The following ITGB1BP2 variants were observed in gnomAD, a reference collection of about 807,000 sequenced individuals.
The protein encoded by ITGB1BP2 is integrin subunit beta 1 binding protein 2, also known as integrin beta-1-binding protein 2.
Under a neutral mutation model 32.2 loss-of-function variants are expected in ITGB1BP2, and 27 were observed. The observed-to-expected ratio is 0.84, with a 90% CI of 0.62 to 1.16. The LOEUF is 1.16. ITGB1BP2 is among the 50% of genes most tolerant of loss of function. The pLI, the probability that ITGB1BP2 is intolerant of heterozygous loss-of-function variation, is 0.00. For synonymous variants in ITGB1BP2, 105 were observed against 94.7 expected, an observed-to-expected ratio of 1.11 and a Z score of -0.63; for missense variants, 250 against 267.3, an observed-to-expected ratio of 0.94 and a Z score of 0.45.
chrX:71,302,402 C>T lies in ITGB1BP2; in HGVS notation c.172-9C>T. 8.3e-7 allele frequency: 1 copy of T among 1,211,100 alleles called. No individual in the cohort carries two copies. Among genetic ancestry groups the T allele is most frequent in the Non-Finnish European group, 1.1e-6 (1 of 895,115 alleles). On this transcript the variant is annotated splice_polypyrimidine_tract_variant and intron_variant, in intron 3 of 10. Coordinates refer to ENST00000373829, the MANE Select transcript of ITGB1BP2 (RefSeq NM_012278.4). ...TCTATCCCTAATCCTATCTCCTTAT[C>T]TATACTAGGGCTGTACTATGGGACC...
Position 71,304,547 on chromosome X carries a change from T to C in ITGB1BP2, c.759T>C (p.His253=), listed in dbSNP as rs1393864233. The change falls in exon 10 of 11, where the codon CAT becomes CAC. Residue 253 remains histidine (H), a synonymous_variant. Transcript: ENST00000373829. ...CTGTAATTCTTTTCTCTCAGCTTCA[T>C]GTCCACATTGTCTTTGATGGTAACC... ...NWVKASQTEL[H]VHIVFDGNRV... The C allele has an allele frequency of 8.3e-7, 1 of 1,208,102 alleles. No homozygotes were observed. The highest frequency in any genetic ancestry group is 2.2e-5 in the Admixed American group (1 of 45,782).
At position 71,302,456 on chromosome X, in the gene ITGB1BP2, CCT is replaced by C; in HGVS notation, c.219_220del (p.Gln74ThrfsTer2). 1.7e-6 allele frequency: 2 copies of C among 1,211,472 alleles called. No individual in the cohort carries two copies. Among genetic ancestry groups the C allele is most frequent in the Non-Finnish European group, 2.2e-6 (2 of 895,336 alleles). On this transcript the variant is annotated frameshift_variant, in exon 4 of 11. Transcript: ENST00000373829. LOFTEE classifies it high-confidence loss of function. Reference sequence around the variant, plus strand: ...CTGTGCTGAGAAGCTTCCTGAGGCCCCTCAACCTGAAGGCCCTGCTACAAGCA... The same window carrying C: ...CTGTGCTGAGAAGCTTCCTGAGGCCCCAACCTGAAGGCCCTGCTACAAGCA... ...PHCAEKLPEA[P>X]QPEGPATSSS...
chrX:71,304,067 G>T (rs1395396855), intron 8 of ITGB1BP2, 120 bp from the exon 9 acceptor site: 1 of 701,002 alleles, frequency 1.4e-6, no homozygotes, highest in Non-Finnish European at 2.2e-6. Context: ...CAGAGGTTTT[G>T]CAATATGAGG....
At chrX:71,304,709 G>A in intron 10 of ITGB1BP2, 105 bp downstream of exon 10, 1 of 665,381 alleles carries the variant, frequency 1.5e-6, no homozygotes, top group Non-Finnish European at 2.3e-6. Flanking sequence ...TAGGAAAATG[G>A]AGGTTTTCTC....
Position 71,304,204 on chromosome X carries a change from C to G in ITGB1BP2, c.657C>G (p.Arg219=). The change falls in exon 9 of 11, where the codon CGC becomes CGG. Residue 219 remains arginine, a synonymous_variant. Transcript: ENST00000373829. ...CTCTTTAGCTCCCAGCATCTTGCCG[C>G]CATGATTGGCACCAGACAGATTCCT... ...DWGKQLPASC[R]HDWHQTDSLV... is the part of the protein sequence containing the mutation. 8.3e-7 allele frequency: 1 copy of G among 1,208,535 alleles called. No individual in the cohort carries two copies. Among genetic ancestry groups the G allele is most frequent in the Non-Finnish European group, 1.1e-6 (1 of 892,643 alleles).
At position 71,302,155 on chromosome X, in the gene ITGB1BP2, C is replaced by A; in HGVS notation, c.83C>A (p.Pro28His). 1 of 1,210,993 alleles carries A rather than the reference C, an allele frequency of 8.3e-7. No individual in the cohort carries two copies. The highest frequency in any genetic ancestry group is 1.1e-6 in the Non-Finnish European group (1 of 895,235). The change falls in exon 2 of 11, where the codon CCT (proline) becomes CAT (histidine). Residue 28 changes from proline to histidine, a missense_variant. Physicochemically the swap from Pro to His is moderately conservative, Grantham distance 77 (BLOSUM62 -2). Coordinates refer to ENST00000373829, the MANE Select transcript of ITGB1BP2 (RefSeq NM_012278.4). ...TCCACAGATTCCTGTTGCCATCACC[C>A]TGGGGTCCCAATCTTCCATGATGCA... The part of the protein sequence containing the change: ...TNLPDSCCHH[P>H]GVPIFHDALK...
intron 1 of ITGB1BP2, 96 bp downstream of exon 1, chrX:71,301,966 T>A: frequency 2.2e-6 from 2 of 904,058 alleles, no homozygotes; most frequent in South Asian, 4.3e-5. Context: ...GGAAAGAAAC[T>A]ACCTGCCCTA....
At position 71,302,559 on chromosome X, in the gene ITGB1BP2, AAAG is replaced by A; in HGVS notation, c.317+5_317+7del. ...ACCTTGCGCCGGGAGAGGCCCAAGT[AAAG>A]AGGAGGAGGCCCCTGGACTTTTCTT... On this transcript the variant is annotated splice_donor_5th_base_variant and intron_variant, in intron 4 of 10. Transcript: ENST00000373829. 1.7e-6 allele frequency: 2 copies of A among 1,202,381 alleles called. No homozygotes were observed. Among genetic ancestry groups the A allele is most frequent in the African/African-American group, 1.7e-5 (1 of 57,343 alleles).
chrX:71,302,532 A>C lies in ITGB1BP2; in HGVS notation c.293A>C (p.Glu98Ala). ...KPLNVIPKSAETLRRERPKSE... is the reference protein window; with the variant it reads ...KPLNVIPKSAATLRRERPKSE... ...CTGAATGTGATTCCAAAGTCAGCAGAGACCTTGCGCCGGGAGAGGCCCAAG... is the reference window on the plus strand; with the variant it reads ...CTGAATGTGATTCCAAAGTCAGCAGCGACCTTGCGCCGGGAGAGGCCCAAG... Residue 98 changes from glutamate (E) to alanine (A), a missense_variant, in exon 4 of 11, where the codon GAG becomes GCG. Coordinates refer to ENST00000373829, the MANE Select transcript of ITGB1BP2 (RefSeq NM_012278.4). 8.3e-7 allele frequency: 1 copy of C among 1,209,385 alleles called. No homozygotes were observed.
At chrX:71,302,582 T>C (rs1390243254) in intron 4 of ITGB1BP2, 26 bp downstream of exon 4, 1 of 1,176,313 alleles carries the variant, frequency 8.5e-7, no homozygotes, top group South Asian at 1.9e-5. Context: ...CCCCTGGACT[T>C]TTCTTATTTT....
chrX:71,303,850 A>C lies in ITGB1BP2; in HGVS notation c.578A>C (p.Asp193Ala), dbSNP rs755294814. The C allele has an allele frequency of 8.3e-7, 1 of 1,209,473 alleles. No homozygotes were observed. Among genetic ancestry groups the C allele is most frequent in the East Asian group, 3.0e-5 (1 of 33,807 alleles). ...AGCTGTTGTGGCATCCAGACCCTGG[A>C]TTTTGGGGCATTCTTGGCACAACCA... The part of the protein sequence containing the change: ...SWSCCGIQTL[D>A]FGAFLAQPGC... The change falls in exon 8 of 11, where the codon GAT (aspartate) becomes GCT (alanine). Residue 193 changes from aspartate to alanine, a missense_variant. By Grantham distance (126) the Asp-to-Ala change is moderately radical. Transcript: ENST00000373829.
intron 8 of ITGB1BP2, 131 bp from the exon 9 acceptor site, chrX:71,304,056 C>A: frequency 1.4e-6 from 1 of 707,727 alleles, no homozygotes; most frequent in African/African-American, 2.1e-5. Flanking sequence ...CCTCAACAGC[C>A]CAGAGGTTTT....
chrX:71,304,245 T>TA lies in ITGB1BP2; in HGVS notation c.699dup (p.Tyr234IlefsTer10). Reference sequence around the variant, plus strand: ...ACAGATTCCTTAGTAGTGGTGACTGTATATGGCCAGATTCCACTTCCTGCG... The same window carrying TA: ...ACAGATTCCTTAGTAGTGGTGACTGTAATATGGCCAGATTCCACTTCCTGCG... On this transcript the variant is annotated frameshift_variant, in exon 9 of 11. Coordinates refer to ENST00000373829, the MANE Select transcript of ITGB1BP2 (RefSeq NM_012278.4). LOFTEE classifies it high-confidence loss of function. 9 of 1,210,611 alleles carry TA rather than the reference T, an allele frequency of 7.4e-6. No homozygotes were observed. The highest frequency in any genetic ancestry group is 1.0e-5 in the Non-Finnish European group (9 of 894,444).
chrX:71,303,555 GGGATGACTGGGTATA>G (rs770568568), intron 6 of ITGB1BP2, 39 bp downstream of exon 6: 1 of 1,204,923 alleles, frequency 8.3e-7, no homozygotes, highest in East Asian at 3.0e-5. Flanking sequence ...ATATGGCTGA[GGGATGACTGGGTATA>G]GATAGGCTGA....
Position 71,304,928 on chromosome X carries a change from T to C in ITGB1BP2, c.817-37T>C, listed in dbSNP as rs1270112488. 6 of 1,112,291 alleles carry C rather than the reference T, an allele frequency of 5.4e-6. No individual in the cohort carries two copies. The South Asian group carries it at 7.4e-5, about 14-fold the overall frequency. The allele number at this position is 1,112,291 out of a possible 1,213,427, so 91.7% of individuals were successfully genotyped here. ...GACCCCAATGCCTTTGATTTCCTCA[T>C]TCTCTCTTTCTTCTGTTTTCCTTTG... On this transcript the variant is annotated intron_variant, in intron 10 of 10. Coordinates refer to ENST00000373829, the MANE Select transcript of ITGB1BP2 (RefSeq NM_012278.4).
rs1366610548 is a variant in ITGB1BP2, at chrX:71,302,437, T to C, written c.198T>C (p.Ala66=). ...IKGCTMGPHC[A]EKLPEAPQPE... ...GCTGTACTATGGGACCACACTGTGC[T>C]GAGAAGCTTCCTGAGGCCCCTCAAC... The change falls in exon 4 of 11, where the codon GCT becomes GCC. Residue 66 remains alanine, a synonymous_variant. Transcript: ENST00000373829. 1.7e-6 allele frequency: 2 copies of C among 1,211,769 alleles called. No individual in the cohort carries two copies. Among genetic ancestry groups the C allele is most frequent in the Non-Finnish European group, 2.2e-6 (2 of 895,461 alleles).
Position 71,304,567 on chromosome X carries a change from G to A in ITGB1BP2, c.779G>A (p.Gly260Asp), listed in dbSNP as rs377177496. 1.2e-5 allele frequency: 14 copies of A among 1,206,237 alleles called. No individual in the cohort carries two copies. In the African/African-American group the frequency reaches 1.8e-4, roughly 15 times the overall value. The part of the protein sequence containing the change: ...TELHVHIVFD[G>D]NRVFQAQMKL... ...CTTCATGTCCACATTGTCTTTGATGGTAACCGTGTGTTCCAAGCACAGATG... is the reference window on the plus strand; with the variant it reads ...CTTCATGTCCACATTGTCTTTGATGATAACCGTGTGTTCCAAGCACAGATG... The change falls in exon 10 of 11, where the codon GGT becomes GAT. Residue 260 changes from glycine (G) to aspartate (D), a missense_variant. Gly to Asp is a moderately conservative substitution (Grantham distance 94, BLOSUM62 -1). Coordinates refer to ENST00000373829, the MANE Select transcript of ITGB1BP2 (RefSeq NM_012278.4).
chrX:71,302,647 C>T (rs1406040029), intron 4 of ITGB1BP2, 91 bp downstream of exon 4: 15 of 989,833 alleles, frequency 1.5e-5, no homozygotes, highest in East Asian at 3.3e-5. Flanking sequence ...AACTAGGGAC[C>T]AGGGATGTGA....
At chrX:71,301,919 G>T in intron 1 of ITGB1BP2, 49 bp downstream of exon 1, 1 of 1,080,310 alleles carries the variant, frequency 9.3e-7, no homozygotes. Flanking sequence ...GGGTGTTGGG[G>T]ACTGGTCAGC....
Sources: allele counts gnomAD v4.1 joint callset, GRCh38; gene constraint gnomAD v4.1.1; transcripts MANE v1.5; gene names NCBI Gene and HGNC (gene_info 2026-07-23, HGNC 2026-07-21).